The following GALNTL6 variants were observed in gnomAD, a reference collection of about 807,000 sequenced individuals.
GALNTL6 encodes the protein polypeptide N-acetylgalactosaminyltransferase-like 6.
In GALNTL6, 46 loss-of-function variants were observed where a neutral mutation model predicts 73.7. The observed-to-expected ratio is 0.62, with a 90% CI of 0.49 to 0.80. GALNTL6 has a LOEUF of 0.80. Among genes scored for constraint, GALNTL6 ranks in the 30% least tolerant of loss-of-function variants. The pLI, the probability that GALNTL6 is intolerant of heterozygous loss-of-function variation, is 0.00. For synonymous variants in GALNTL6, 259 were observed against 263.7 expected (o/e 0.98, Z 0.17); for missense variants, 604 against 755.0 (o/e 0.80, Z 2.34).
chr4:172,945,918 TAAAAGGGCTGTGGG>T (rs748078092), intron 9 of GALNTL6, among the ~76,000 whole-genome samples: 40 of 152,244 alleles, frequency 2.6e-4, no homozygotes, highest in Admixed American at 5.2e-4. Context: ...TTATCAATGA[TAAAAGGGCTGTGGG>T]GTGGGACTAC....
intron 7 of GALNTL6, among the ~76,000 whole-genome samples, chr4:172,851,526 G>A (rs903698839): frequency 4.6e-5 from 7 of 151,828 alleles, no homozygotes; most frequent in Non-Finnish European, 1.0e-4. Context: ...AAATAAAGAC[G>A]TGTGCTTCAG....
intron 5 of GALNTL6, chr4:172,380,151 T>G: frequency 9.5e-7 from 1 of 1,047,146 alleles, no homozygotes; most frequent in Non-Finnish European, 1.5e-6. Context: ...TTTGGAGCAC[T>G]TAACAAGGCC....
intron 2 of GALNTL6, among the ~76,000 whole-genome samples, chr4:171,880,415 T>C (rs1169203185): frequency 1.3e-5 from 2 of 152,218 alleles, no homozygotes; most frequent in Non-Finnish European, 2.9e-5. Flanking sequence ...CAGATGTTTG[T>C]TATTCCTTAT....
At chr4:172,332,265 T>C (rs1381436723) in intron 4 of GALNTL6, among the ~76,000 whole-genome samples, 1 of 152,144 alleles carries the variant, frequency 6.6e-6, no homozygotes, top group East Asian at 1.9e-4. Context: ...TTATAGGATA[T>C]AGGAGAAATC....
chr4:172,563,659 G>T (rs1037108320), intron 5 of GALNTL6, among the ~76,000 whole-genome samples: 1 of 152,178 alleles, frequency 6.6e-6, no homozygotes, highest in East Asian at 1.9e-4. Context: ...TCTCAAGGCA[G>T]CTTTGTATAG....
At chr4:172,410,292 A>G (rs1744383925) in intron 5 of GALNTL6, among the ~76,000 whole-genome samples, 1 of 152,014 alleles carries the variant, frequency 6.6e-6, no homozygotes, top group African/African-American at 2.4e-5. Context: ...ATATATATGC[A>G]GTTCAGCAAT....
At chr4:172,648,026 T>G (rs748841818) in intron 5 of GALNTL6, among the ~76,000 whole-genome samples, 15 of 152,138 alleles carry the variant, frequency 9.9e-5, no homozygotes, top group Non-Finnish European at 1.9e-4. Flanking sequence ...ACAGTCTCTC[T>G]GAGAATAGCA....
At chr4:172,766,674 T>C (rs1487869466) in intron 5 of GALNTL6, among the ~76,000 whole-genome samples, 2 of 152,110 alleles carry the variant, frequency 1.3e-5, no homozygotes, top group African/African-American at 4.8e-5. Flanking sequence ...AATTCTAAGG[T>C]TGTAAAGTCT....
At chr4:172,987,362 G>A (rs1377251610) in intron 10 of GALNTL6, among the ~76,000 whole-genome samples, 1 of 152,060 alleles carries the variant, frequency 6.6e-6, no homozygotes, top group Admixed American at 6.6e-5. Context: ...AGAACCATCA[G>A]ATCACATGAG....
At chr4:172,884,642 T>G (rs1745627789) in intron 8 of GALNTL6, among the ~76,000 whole-genome samples, 2 of 152,204 alleles carry the variant, frequency 1.3e-5, no homozygotes, top group Non-Finnish European at 2.9e-5. Context: ...TTTGTCTATT[T>G]TTGCTTTTGT....
intron 5 of GALNTL6, among the ~76,000 whole-genome samples, chr4:172,618,263 T>G (rs1486711769): frequency 6.6e-6 from 1 of 152,138 alleles, no homozygotes; most frequent in Non-Finnish European, 1.5e-5. Context: ...GCAATCTCCT[T>G]CATTAACACT....
intron 5 of GALNTL6, among the ~76,000 whole-genome samples, chr4:172,593,524 A>G (rs1484122886): frequency 6.6e-6 from 1 of 152,018 alleles, no homozygotes; most frequent in Non-Finnish European, 1.5e-5. Context: ...TTCACCGACC[A>G]CTCTATTGGT....
intron 5 of GALNTL6, among the ~76,000 whole-genome samples, chr4:172,663,551 C>T (rs975960200): frequency 1.3e-5 from 2 of 152,196 alleles, no homozygotes; most frequent in Non-Finnish European, 2.9e-5. Context: ...GTGACATATC[C>T]TAGTCCCTGT....
intron 12 of GALNTL6, among the ~76,000 whole-genome samples, chr4:173,033,282 C>T (rs1753547030): frequency 2.0e-5 from 3 of 151,458 alleles, no homozygotes; most frequent in Non-Finnish European, 4.4e-5. Context: ...GGATTACAGG[C>T]ATGAGCCACT....
At chr4:172,137,050 A>G (rs1007604658) in intron 2 of GALNTL6, among the ~76,000 whole-genome samples, 3 of 152,124 alleles carry the variant, frequency 2.0e-5, no homozygotes, top group Admixed American at 6.5e-5. Context: ...ATGTGTTAAC[A>G]GAAGTCTTTA....
At chr4:172,840,269 G>A (rs144863510) in intron 7 of GALNTL6, among the ~76,000 whole-genome samples, 2 of 152,156 alleles carry the variant, frequency 1.3e-5, no homozygotes, top group African/African-American at 4.8e-5. Context: ...CTAATCAGAC[G>A]GTCATCATAT....
chr4:172,349,718 G>T (rs946016269), intron 5 of GALNTL6, among the ~76,000 whole-genome samples: 1 of 151,830 alleles, frequency 6.6e-6, no homozygotes, highest in Non-Finnish European at 1.5e-5. Flanking sequence ...TGACAGAAAG[G>T]AGGTTGTTTG....
intron 5 of GALNTL6, among the ~76,000 whole-genome samples, chr4:172,467,193 C>CA (rs1277711465): frequency 6.6e-6 from 1 of 152,222 alleles, no homozygotes; most frequent in Non-Finnish European, 1.5e-5. Context: ...AAAACCAGCA[C>CA]AATTCAGGCT....
intron 5 of GALNTL6, among the ~76,000 whole-genome samples, chr4:172,476,308 A>G (rs1733228958): frequency 6.6e-6 from 1 of 152,206 alleles, no homozygotes; most frequent in Admixed American, 6.5e-5. Flanking sequence ...TCTTTTGCAA[A>G]GGCACTAATT....
Sources: allele counts gnomAD v4.1 joint callset (sites outside exome capture counted in the v4.1 genomes callset), GRCh38; gene constraint gnomAD v4.1.1; transcripts MANE v1.5; gene names NCBI Gene and HGNC (gene_info 2026-07-23, HGNC 2026-07-21).